The following LHFPL6 variants were observed in gnomAD, a reference collection of about 807,000 sequenced individuals.
The protein encoded by LHFPL6 is LHFPL tetraspan subfamily member 6.
Under a neutral mutation model 20.6 loss-of-function variants are expected in LHFPL6, and 9 were observed. The ratio of observed to expected loss-of-function variants is 0.44; its 90% CI spans 0.26 to 0.76. LHFPL6 has a LOEUF of 0.76. Among genes scored for constraint, LHFPL6 ranks in the 30% least tolerant of loss-of-function variants. The probability of loss-of-function intolerance (pLI) is 0.20; values close to 1 mark genes in which losing one functional copy is unlikely to be tolerated. For missense variants in LHFPL6, 218 were observed against 253.5 expected, an observed-to-expected ratio of 0.86 and a Z score of 0.95; for synonymous variants, 105 against 98.7, an observed-to-expected ratio of 1.06 and a Z score of -0.38.
chr13:39,463,334 G>A (rs966615487), intron 2 of LHFPL6, among the ~76,000 whole-genome samples: 5 of 152,084 alleles, frequency 3.3e-5, no homozygotes, highest in East Asian at 1.9e-4. Flanking sequence ...CTGTGAAAAC[G>A]GAGGTGGAGA....
intron 2 of LHFPL6, among the ~76,000 whole-genome samples, chr13:39,495,019 A>T (rs1869051309): frequency 6.6e-6 from 1 of 152,166 alleles, no homozygotes; most frequent in Non-Finnish European, 1.5e-5. Flanking sequence ...GAGTTAGAAC[A>T]TGAAATGACT....
chr13:39,455,925 C>T (rs1219572754), intron 2 of LHFPL6, among the ~76,000 whole-genome samples: 1 of 152,212 alleles, frequency 6.6e-6, no homozygotes, highest in African/African-American at 2.4e-5. Context: ...GAAACACATA[C>T]ATTTACTTGA....
chr13:39,499,472 G>A (rs3858866), intron 2 of LHFPL6, among the ~76,000 whole-genome samples: 100,635 of 151,966 alleles, frequency 0.66, 33,536 homozygotes, highest in East Asian at 0.85. Context: ...CATCCTCAGC[G>A]CCTCTTTTCA....
chr13:39,401,866 C>G (rs558067041), intron 2 of LHFPL6, among the ~76,000 whole-genome samples: 2 of 152,152 alleles, frequency 1.3e-5, no homozygotes, highest in Admixed American at 6.5e-5. Flanking sequence ...GCCTTGGTCA[C>G]GACAACCACT....
At chr13:39,355,655 TAAC>T (rs2138340722) in intron 3 of LHFPL6, among the ~76,000 whole-genome samples, 1 of 152,202 alleles carries the variant, frequency 6.6e-6, no homozygotes, top group African/African-American at 2.4e-5. Context: ...TCACATGTAA[TAAC>T]AACCATGGGC....
At chr13:39,595,102 A>G (rs1872730243) in intron 2 of LHFPL6, among the ~76,000 whole-genome samples, 1 of 152,186 alleles carries the variant, frequency 6.6e-6, no homozygotes, top group Non-Finnish European at 1.5e-5. Context: ...ATGTACCCTA[A>G]AACTTAAAGT....
chr13:39,349,197 A>C (rs1179555552), intron 3 of LHFPL6, among the ~76,000 whole-genome samples: 1 of 152,220 alleles, frequency 6.6e-6, no homozygotes, highest in African/African-American at 2.4e-5. Flanking sequence ...AGTAATTTTT[A>C]AAATAATTAT....
intron 2 of LHFPL6, among the ~76,000 whole-genome samples, chr13:39,445,337 C>A (rs977264227): frequency 2.0e-5 from 3 of 152,140 alleles, no homozygotes; most frequent in African/African-American, 4.8e-5. Context: ...GAATTTGGGG[C>A]TTTAACAATA....
At chr13:39,501,014 C>T (rs1174259927) in intron 2 of LHFPL6, among the ~76,000 whole-genome samples, 1 of 152,112 alleles carries the variant, frequency 6.6e-6, no homozygotes, top group Admixed American at 6.5e-5. Context: ...TAACACATTC[C>T]CAAGTGATGT....
chr13:39,426,958 T>C (rs1333813330), intron 2 of LHFPL6, among the ~76,000 whole-genome samples: 1 of 152,134 alleles, frequency 6.6e-6, no homozygotes, highest in Non-Finnish European at 1.5e-5. Flanking sequence ...TGGATCAAAT[T>C]TCATTTTGTT....
At chr13:39,460,317 C>T (rs1378224258) in intron 2 of LHFPL6, among the ~76,000 whole-genome samples, 2 of 152,172 alleles carry the variant, frequency 1.3e-5, no homozygotes, top group African/African-American at 4.8e-5. Flanking sequence ...GATCAAATTA[C>T]TCAATAAGAA....
intron 3 of LHFPL6, among the ~76,000 whole-genome samples, chr13:39,354,390 C>G (rs1274657757): frequency 6.6e-6 from 1 of 152,062 alleles, no homozygotes; most frequent in African/African-American, 2.4e-5. Flanking sequence ...AAAGCCCCAC[C>G]CAAGCAACAA....
Position 39,407,490 on chromosome 13 carries a change from T to C in LHFPL6, c.386-28964A>G, listed in dbSNP as rs115762455. Among the ~76,000 whole-genome samples, 360 of 152,352 alleles carry C rather than the reference T, an allele frequency of 2.4e-3. 2 individuals are homozygous for C. Among genetic ancestry groups the C allele is most frequent in the African/African-American group, 8.2e-3 (340 of 41,582 alleles). ...TGATCCTTCCCAGGTAAGTGCCAAA[T>C]GGGACATGGGCCAAACATCTTAGAA... On this transcript the variant is annotated intron_variant, in intron 2 of 3. Transcript: ENST00000379589.
At chr13:39,418,886 G>T (rs1871413024) in intron 2 of LHFPL6, among the ~76,000 whole-genome samples, 1 of 152,150 alleles carries the variant, frequency 6.6e-6, no homozygotes, top group South Asian at 2.1e-4. Flanking sequence ...ATCCTGAGCT[G>T]CCTGGGAGAT....
At chr13:39,495,195 T>G (rs1007906723) in intron 2 of LHFPL6, among the ~76,000 whole-genome samples, 1 of 152,262 alleles carries the variant, frequency 6.6e-6, no homozygotes. Context: ...CGCTATGTGT[T>G]GCTTTGAGAC....
chr13:39,485,599 G>T (rs753676438), intron 2 of LHFPL6, among the ~76,000 whole-genome samples: 3 of 152,148 alleles, frequency 2.0e-5, no homozygotes, highest in Admixed American at 6.5e-5. Context: ...TTCTACCTTG[G>T]AATTTCAATT....
intron 2 of LHFPL6, among the ~76,000 whole-genome samples, chr13:39,551,605 G>A (rs959724152): frequency 5.3e-5 from 8 of 152,122 alleles, no homozygotes; most frequent in African/African-American, 1.9e-4. Flanking sequence ...TTAAGTTTCT[G>A]AGTCATCTTG....
intron 2 of LHFPL6, among the ~76,000 whole-genome samples, chr13:39,492,876 CT>C (rs1472219137): frequency 6.6e-6 from 1 of 151,986 alleles, no homozygotes. Flanking sequence ...GATGGAGTTT[CT>C]CTATGCTGGT....
At position 39,343,218 on chromosome 13, in the gene LHFPL6, T is replaced by A. The variant is rs1052037; in HGVS notation, c.*718A>T. ...AAGGTCTGCATAAACACTGAAAATA[T>A]GTTGAGGAACTAAATTAGAGTTTAT... On this transcript the variant is annotated 3_prime_UTR_variant, in exon 4 of 4. Transcript: ENST00000379589. The A allele has an allele frequency of 0.033, 7,034 of 212,618 alleles. 188 individuals are homozygous for A. Among genetic ancestry groups the A allele is most frequent in the Middle Eastern group, 0.072 (48 of 664 alleles). 13.2% of individuals were successfully genotyped at this position (212,618 alleles called of 1,614,324 possible).
Sources: gnomAD v4.1 joint callset for allele counts (sites outside exome capture counted in the v4.1 genomes callset) on GRCh38, gnomAD v4.1.1 for gene constraint, MANE v1.5 for transcripts, NCBI Gene and HGNC (gene_info 2026-07-23, HGNC 2026-07-21) for gene names.